Variants in GRID2 observed in about 807,000 individuals in gnomAD.
GRID2 encodes the protein glutamate receptor ionotropic, delta-2.
Under a neutral mutation model 114.8 loss-of-function variants are expected in GRID2, and 33 were observed. The observed-to-expected ratio is 0.29, with a 90% CI of 0.22 to 0.38. The LOEUF (loss-of-function observed/expected upper bound fraction) is 0.38, where lower values mean the gene tolerates loss of function less well. GRID2 is among the 10% of genes least tolerant of loss of function. GRID2 has a pLI of 1.00. For missense variants in GRID2, 1,184 were observed against 1,257.7 expected, an observed-to-expected ratio of 0.94 and a Z score of 0.89; for synonymous variants, 505 against 449.9, an observed-to-expected ratio of 1.12 and a Z score of -1.55.
chr4:93,576,389 C>CT (rs1033916015), intron 13 of GRID2, among the ~76,000 whole-genome samples: 8 of 152,252 alleles, frequency 5.3e-5, no homozygotes, highest in Non-Finnish European at 1.2e-4. Context: ...GACAAAATAG[C>CT]TTTGCTTTGG....
At chr4:93,225,934 A>C (rs1745432994) in intron 7 of GRID2, among the ~76,000 whole-genome samples, 1 of 152,166 alleles carries the variant, frequency 6.6e-6, no homozygotes, top group African/African-American at 2.4e-5. Context: ...GAGCAGCTGC[A>C]CAAGATAGAG....
At chr4:92,615,999 A>C (rs928475662) in intron 2 of GRID2, among the ~76,000 whole-genome samples, 14 of 151,622 alleles carry the variant, frequency 9.2e-5, no homozygotes, top group African/African-American at 3.4e-4. Context: ...CATTTCTTTT[A>C]AATCAGTTAA....
intron 4 of GRID2, among the ~76,000 whole-genome samples, chr4:93,123,624 C>T (rs1733994858): frequency 1.3e-5 from 2 of 152,044 alleles, no homozygotes; most frequent in South Asian, 2.1e-4. Context: ...TAAGAACAGA[C>T]ACAGTTAAAT....
intron 13 of GRID2, among the ~76,000 whole-genome samples, chr4:93,624,416 T>C (rs929002116): frequency 6.6e-6 from 1 of 152,194 alleles, no homozygotes; most frequent in Non-Finnish European, 1.5e-5. Context: ...TTTACTTTAA[T>C]GGCAATGCAA....
chr4:92,967,237 G>C (rs1753212394), intron 2 of GRID2, among the ~76,000 whole-genome samples: 1 of 151,828 alleles, frequency 6.6e-6, no homozygotes, highest in South Asian at 2.1e-4. Flanking sequence ...AATTAAGCAT[G>C]GTTCACCATT....
intron 4 of GRID2, among the ~76,000 whole-genome samples, chr4:93,146,271 A>C (rs751669016): frequency 2.0e-5 from 3 of 152,182 alleles, no homozygotes; most frequent in Admixed American, 6.5e-5. Context: ...ATCGAGAGTT[A>C]ATTCTATTTG....
chr4:92,468,180 G>T (rs1334130319), intron 1 of GRID2, among the ~76,000 whole-genome samples: 1 of 151,982 alleles, frequency 6.6e-6, no homozygotes, highest in Non-Finnish European at 1.5e-5. Context: ...AATATTTACT[G>T]AGTGCTTATT....
intron 13 of GRID2, among the ~76,000 whole-genome samples, chr4:93,596,886 G>T (rs1739163547): frequency 6.6e-6 from 1 of 152,148 alleles, no homozygotes; most frequent in Admixed American, 6.5e-5. Flanking sequence ...CTGGTTTATG[G>T]CTGGTGTATT....
intron 13 of GRID2, among the ~76,000 whole-genome samples, chr4:93,597,119 A>T (rs1269335331): frequency 6.6e-6 from 1 of 152,204 alleles, no homozygotes; most frequent in African/African-American, 2.4e-5. Context: ...TTTCAAAAAG[A>T]TGTGTTAGTT....
chr4:93,161,975 A>G (rs2149408549), intron 4 of GRID2, among the ~76,000 whole-genome samples: 1 of 151,990 alleles, frequency 6.6e-6, no homozygotes, highest in East Asian at 1.9e-4. Context: ...GCAGCAATTT[A>G]GTCAATTTCT....
At chr4:92,939,888 T>A (rs1262226903) in intron 2 of GRID2, among the ~76,000 whole-genome samples, 1 of 147,066 alleles carries the variant, frequency 6.8e-6, no homozygotes, top group Non-Finnish European at 1.5e-5. Flanking sequence ...ATATGCAGCA[T>A]TATTTCTGAG....
At chr4:92,833,219 G>A (rs1742236962) in intron 2 of GRID2, among the ~76,000 whole-genome samples, 1 of 152,128 alleles carries the variant, frequency 6.6e-6, no homozygotes, top group South Asian at 2.1e-4. Flanking sequence ...GAGAAGCGGG[G>A]GAAGTCTGTA....
At chr4:92,328,989 A>T (rs1474324948) in intron 1 of GRID2, among the ~76,000 whole-genome samples, 1 of 152,008 alleles carries the variant, frequency 6.6e-6, no homozygotes, top group Non-Finnish European at 1.5e-5. Flanking sequence ...ATTATTTTTA[A>T]ATAATTTACT....
intron 2 of GRID2, among the ~76,000 whole-genome samples, chr4:92,785,672 T>G (rs1387545387): frequency 6.6e-6 from 1 of 151,782 alleles, no homozygotes; most frequent in Non-Finnish European, 1.5e-5. Context: ...TTTGTCATTT[T>G]CAGTATGTGT....
intron 2 of GRID2, among the ~76,000 whole-genome samples, chr4:92,600,077 T>TAC (rs1729153076): frequency 2.2e-5 from 3 of 136,650 alleles, no homozygotes; most frequent in Admixed American, 2.2e-4. Context: ...TATATATATA[T>TAC]ATATATATAT....
chr4:92,633,627 A>C (rs1442810719), intron 2 of GRID2, among the ~76,000 whole-genome samples: 1 of 152,064 alleles, frequency 6.6e-6, no homozygotes, highest in African/African-American at 2.4e-5. Flanking sequence ...AGGATTTCTG[A>C]TTATCTCAGG....
At chr4:93,232,983 G>A (rs766201817) in intron 7 of GRID2, among the ~76,000 whole-genome samples, 4 of 152,160 alleles carry the variant, frequency 2.6e-5, no homozygotes, top group Admixed American at 6.6e-5. Flanking sequence ...GAAATACCAA[G>A]TGTTCTAGAA....
intron 2 of GRID2, among the ~76,000 whole-genome samples, chr4:92,953,282 T>C (rs540714843): frequency 1.3e-5 from 2 of 152,284 alleles, no homozygotes; most frequent in African/African-American, 4.8e-5. Flanking sequence ...TTAGTGATCT[T>C]ATAAAAATGA....
intron 13 of GRID2, among the ~76,000 whole-genome samples, chr4:93,589,666 C>T (rs1399826981): frequency 1.3e-5 from 2 of 151,676 alleles, no homozygotes; most frequent in African/African-American, 4.8e-5. Context: ...GACAGTCCCA[C>T]CAACAGTGTA....
Sources: gnomAD v4.1 joint callset for allele counts (sites outside exome capture counted in the v4.1 genomes callset) on GRCh38, gnomAD v4.1.1 for gene constraint, MANE v1.5 for transcripts, NCBI Gene and HGNC (gene_info 2026-07-23, HGNC 2026-07-21) for gene names.